The following ADAMTS14 variants were observed in gnomAD, a reference collection of about 807,000 sequenced individuals.
ADAMTS14 encodes A disintegrin and metalloproteinase with thrombospondin motifs 14.
In ADAMTS14, 100 loss-of-function variants were observed where a neutral mutation model predicts 128.6. The observed-to-expected ratio is 0.78, with a 90% CI of 0.66 to 0.92. The LOEUF is 0.92. ADAMTS14 is among the 40% of genes least tolerant of loss of function. The probability of loss-of-function intolerance (pLI) is 0.00; values close to 1 mark genes in which losing one functional copy is unlikely to be tolerated. For missense variants in ADAMTS14, 1,562 were observed against 1,658.6 expected (o/e 0.94, Z 1.01); for synonymous variants, 665 against 653.8 (o/e 1.02, Z -0.26).
In ADAMTS14 at chr10:70,674,693, C is replaced by A. The variant is rs776686112; in HGVS notation, c.220C>A (p.Pro74Thr). Residue 74 changes from proline (P) to threonine (T), a missense_variant, in exon 2 of 22, where the codon CCC (proline) becomes ACC (threonine). Physicochemically the swap from Pro to Thr is conservative, Grantham distance 38. Coordinates refer to ENST00000373207, the MANE Select transcript of ADAMTS14 (RefSeq NM_080722.4). ...SAGSMVVDTP[P>T]TLPRHSSHLR... is the part of the protein sequence containing the mutation. ...AGGGAGCATGGTAGTGGACACGCCA[C>A]CCACACTACCACGACACTCCAGTCA... 2 of 1,613,588 alleles carry A rather than the reference C, an allele frequency of 1.2e-6. No homozygotes were observed. The highest frequency in any genetic ancestry group is 3.3e-5 in the Admixed American group (2 of 60,026).
chr10:70,694,582 G>A (rs1840281114), intron 2 of ADAMTS14, among the ~76,000 whole-genome samples: 1 of 152,106 alleles, frequency 6.6e-6, no homozygotes, highest in Non-Finnish European at 1.5e-5. Context: ...TATCTCTGTG[G>A]ATTTGCCTAT....
chr10:70,691,973 A>G (rs1186554742), intron 2 of ADAMTS14, among the ~76,000 whole-genome samples: 1 of 152,136 alleles, frequency 6.6e-6, no homozygotes, highest in Non-Finnish European at 1.5e-5. Flanking sequence ...GCCATTCTAA[A>G]TGTCCCTCTT....
At chr10:70,757,170 T>A (rs748738243) in intron 19 of ADAMTS14, among the ~76,000 whole-genome samples, 1 of 152,078 alleles carries the variant, frequency 6.6e-6, no homozygotes, top group Non-Finnish European at 1.5e-5. Flanking sequence ...TGCCCCTCCA[T>A]TGAGGACCTC....
rs1564513171 is a variant in ADAMTS14, at chr10:70,672,695, G to T, written c.-108G>T. On this transcript the variant is annotated 5_prime_UTR_variant, in exon 1 of 22. Transcript: ENST00000373207. ...GGGAGGCGGCTGAGGCGGCAGCGGC[G>T]GCAGCCAGCCGGTGCTCCGACAGCC... 3 of 1,286,730 alleles carry T rather than the reference G, an allele frequency of 2.3e-6. No homozygotes were observed. The highest frequency in any genetic ancestry group is 3.0e-6 in the Non-Finnish European group (3 of 1,015,400). 79.7% of individuals were successfully genotyped at this position (1,286,730 alleles called of 1,614,324 possible).
intron 2 of ADAMTS14, among the ~76,000 whole-genome samples, chr10:70,689,616 C>T (rs1840125145): frequency 6.9e-6 from 1 of 145,754 alleles, no homozygotes; most frequent in African/African-American, 2.4e-5. Context: ...ATAAGAATAA[C>T]CAGCACTGGG....
chr10:70,684,549 T>G (rs1397757702), intron 2 of ADAMTS14, among the ~76,000 whole-genome samples: 2 of 152,268 alleles, frequency 1.3e-5, no homozygotes, highest in South Asian at 4.1e-4. Context: ...CCTAGGCAAG[T>G]GATTTGACGT....
intron 2 of ADAMTS14, among the ~76,000 whole-genome samples, chr10:70,681,150 A>G (rs1564517285): frequency 6.6e-6 from 1 of 152,226 alleles, no homozygotes; most frequent in African/African-American, 2.4e-5. Flanking sequence ...CACAGTAGAC[A>G]GTAAAAAGCA....
chr10:70,737,041 G>A (rs1841849712), intron 10 of ADAMTS14, among the ~76,000 whole-genome samples: 1 of 152,152 alleles, frequency 6.6e-6, no homozygotes. Context: ...AGGGTAGCAT[G>A]ATCTCCTAGC....
At chr10:70,679,588 C>G (rs1276365094) in intron 2 of ADAMTS14, among the ~76,000 whole-genome samples, 1 of 152,224 alleles carries the variant, frequency 6.6e-6, no homozygotes, top group Non-Finnish European at 1.5e-5. Flanking sequence ...CACCAGCCTC[C>G]TGAAGGGTTG....
intron 18 of ADAMTS14, 146 bp from the exon 19 acceptor site, chr10:70,753,654 A>G (rs1212036916): frequency 1.6e-5 from 13 of 794,234 alleles, no homozygotes; most frequent in Non-Finnish European, 2.6e-5. Context: ...CTGCAGAGCC[A>G]GGTGGACAGT....
At chr10:70,693,228 C>T (rs1840240429) in intron 2 of ADAMTS14, among the ~76,000 whole-genome samples, 1 of 152,162 alleles carries the variant, frequency 6.6e-6, no homozygotes, top group African/African-American at 2.4e-5. Flanking sequence ...CCCACCATTC[C>T]CCGCCTCTAA....
chr10:70,756,563 C>T (rs766702842), intron 19 of ADAMTS14, among the ~76,000 whole-genome samples: 2 of 151,978 alleles, frequency 1.3e-5, no homozygotes, highest in Non-Finnish European at 2.9e-5. Flanking sequence ...TTCAGTATGT[C>T]CAAAGAACAA....
intron 19 of ADAMTS14, among the ~76,000 whole-genome samples, chr10:70,755,093 C>T (rs1350621168): frequency 6.6e-6 from 1 of 151,916 alleles, no homozygotes; most frequent in Non-Finnish European, 1.5e-5. Flanking sequence ...ATTGCTTGAG[C>T]CCAGGAATTC....
At chr10:70,758,972 G>T (rs1206498315) in intron 21 of ADAMTS14, among the ~76,000 whole-genome samples, 1 of 152,082 alleles carries the variant, frequency 6.6e-6, no homozygotes, top group Non-Finnish European at 1.5e-5. Flanking sequence ...TAGGACCAGG[G>T]TCTGGCAAGA....
intron 4 of ADAMTS14, among the ~76,000 whole-genome samples, chr10:70,721,280 C>T (rs1277346942): frequency 9.9e-5 from 15 of 152,016 alleles, no homozygotes; most frequent in African/African-American, 3.6e-4. Flanking sequence ...GCCTCAGCCT[C>T]CCAAAGTGCT....
At chr10:70,685,214 C>A (rs1205433149) in intron 2 of ADAMTS14, among the ~76,000 whole-genome samples, 1 of 152,162 alleles carries the variant, frequency 6.6e-6, no homozygotes, top group African/African-American at 2.4e-5. Flanking sequence ...TCAGTGAGGG[C>A]CCAGGAGATT....
intron 5 of ADAMTS14, 73 bp from the exon 6 acceptor site, chr10:70,730,029 G>A (rs1484269027): frequency 6.7e-7 from 1 of 1,500,626 alleles, no homozygotes; most frequent in Non-Finnish European, 8.9e-7. Context: ...TCTGTAAGTG[G>A]GAGGAGAGAG....
chr10:70,715,681 A>G (rs1353604432), intron 4 of ADAMTS14, among the ~76,000 whole-genome samples: 1 of 152,128 alleles, frequency 6.6e-6, no homozygotes, highest in East Asian at 1.9e-4. Context: ...GGAAACCAGA[A>G]GAGGTCTTTT....
At chr10:70,754,152 T>G in intron 19 of ADAMTS14, 145 bp downstream of exon 19, 1 of 746,284 alleles carries the variant, frequency 1.3e-6, no homozygotes, top group Non-Finnish European at 2.1e-6. Context: ...GAATAGCTCC[T>G]ACGTACCCTG....
Sources: allele counts gnomAD v4.1 joint callset (sites outside exome capture counted in the v4.1 genomes callset), GRCh38; gene constraint gnomAD v4.1.1; transcripts MANE v1.5; gene names NCBI Gene and HGNC (gene_info 2026-07-23, HGNC 2026-07-21).